The following OTC variants were observed in gnomAD, a reference collection of about 807,000 sequenced individuals.
OTC encodes ornithine transcarbamylase.
A neutral mutation model predicts 30.3 loss-of-function variants in OTC; 3 were observed. The observed-to-expected ratio is 0.10, with a 90% CI of 0.05 to 0.26. The LOEUF is 0.26. Ranked by LOEUF, OTC falls within the 10% of genes least tolerant of loss-of-function variation. OTC has a pLI of 1.00. For missense variants in OTC, 194 were observed against 260.3 expected, an observed-to-expected ratio of 0.75 and a Z score of 1.75; for synonymous variants, 111 against 99.7, an observed-to-expected ratio of 1.11 and a Z score of -0.67.
intron 4 of OTC, among the ~76,000 whole-genome samples, chrX:38,383,271 C>G (rs753619732): frequency 4.5e-5 from 5 of 111,607 alleles, no homozygotes; most frequent in Non-Finnish European, 9.4e-5. Context: ...GATTGTCTGC[C>G]GTGGACCTCT....
chrX:38,382,480 T>G (rs1238277343), intron 4 of OTC, among the ~76,000 whole-genome samples: 2 of 112,615 alleles, frequency 1.8e-5, no homozygotes, highest in African/African-American at 6.4e-5. Flanking sequence ...TCACCTCATT[T>G]GACTTGCTGA....
chrX:38,332,762 G>A, the OTC span, among the ~76,000 whole-genome samples: 1 of 109,135 alleles, frequency 9.2e-6, no homozygotes, highest in East Asian at 2.9e-4. Context: ...TCTCACTAAT[G>A]CTACATTTCC....
Position 38,357,886 on chromosome X carries a change from T to C in OTC, c.77+5113T>C, listed in dbSNP as rs929610380. On this transcript the variant is annotated intron_variant, in intron 1 of 9. Coordinates refer to ENST00000039007, the MANE Select transcript of OTC (RefSeq NM_000531.6). ...CTAGACTTGCCTTTTTCAAGGGCTC[T>C]GGCTCTGACCAGACTGCAGTGACAG... Among the ~76,000 whole-genome samples, 3 of 112,205 alleles carry C rather than the reference T, an allele frequency of 2.7e-5. No individual in the cohort carries two copies. The Admixed American group carries it at 2.8e-4, about 11-fold the overall frequency.
intron 4 of OTC, among the ~76,000 whole-genome samples, chrX:38,401,060 T>C (rs989835980): frequency 1.4e-4 from 16 of 111,910 alleles, no homozygotes; most frequent in African/African-American, 5.2e-4. Context: ...AAATGTAAAA[T>C]CGCTGGTCAC....
At chrX:38,417,841 T>C (rs1360154859) in intron 9 of OTC, among the ~76,000 whole-genome samples, 1 of 111,982 alleles carries the variant, frequency 8.9e-6, no homozygotes, top group Non-Finnish European at 1.9e-5. Context: ...GGCTGAATAC[T>C]ATTCCATTGG....
At chrX:38,329,917 G>T in the OTC span, among the ~76,000 whole-genome samples, 1 of 111,950 alleles carries the variant, frequency 8.9e-6, no homozygotes, top group Non-Finnish European at 1.9e-5. Flanking sequence ...GAGCCCCTGT[G>T]CTAGGGCCTG....
intron 1 of OTC, among the ~76,000 whole-genome samples, chrX:38,366,040 C>T (rs2068294192): frequency 9.0e-6 from 1 of 111,723 alleles, no homozygotes; most frequent in Admixed American, 9.5e-5. Context: ...CCTCCAAAAA[C>T]ACATCACAAG....
chrX:38,368,968 C>T (rs2068310569), intron 2 of OTC, among the ~76,000 whole-genome samples: 1 of 108,833 alleles, frequency 9.2e-6, no homozygotes, highest in African/African-American at 3.4e-5. Context: ...TTCAGACTCT[C>T]CAGATTGTTT....
the OTC span, among the ~76,000 whole-genome samples, chrX:38,335,752 G>A: frequency 8.9e-6 from 1 of 112,420 alleles, no homozygotes; most frequent in African/African-American, 3.2e-5. Flanking sequence ...GTTAGTCACT[G>A]CCCTTTGTGA....
At chrX:38,350,612 T>C (rs2068209213), upstream of OTC, among the ~76,000 whole-genome samples, 1 of 111,608 alleles carries the variant, frequency 9.0e-6, no homozygotes, top group Non-Finnish European at 1.9e-5. Context: ...TTCAGTGAAA[T>C]TGCTTTTAAC....
chrX:38,335,206 T>C, the OTC span, among the ~76,000 whole-genome samples: 4 of 112,242 alleles, frequency 3.6e-5, no homozygotes, highest in South Asian at 1.5e-3. Flanking sequence ...CTTACTACTT[T>C]AGTAATCTGG....
chrX:38,400,329 T>C (rs1207780236), intron 4 of OTC, among the ~76,000 whole-genome samples: 1 of 111,744 alleles, frequency 8.9e-6, no homozygotes, highest in African/African-American at 3.3e-5. Flanking sequence ...TAGTTTTTAA[T>C]CTTTGATTCT....
At chrX:38,340,838 C>G in the OTC span, among the ~76,000 whole-genome samples, 116 of 109,554 alleles carry the variant, frequency 1.1e-3, no homozygotes, top group Non-Finnish European at 1.7e-3. Flanking sequence ...GCTCTGTCAC[C>G]CAAGCTAGAG....
intron 4 of OTC, among the ~76,000 whole-genome samples, chrX:38,397,197 A>G (rs967344127): frequency 1.8e-5 from 2 of 111,948 alleles, no homozygotes; most frequent in African/African-American, 6.5e-5. Flanking sequence ...TGTACATTTT[A>G]TTTACATTAA....
the OTC span, among the ~76,000 whole-genome samples, chrX:38,346,183 G>A: frequency 3.1e-4 from 35 of 111,620 alleles, no homozygotes; most frequent in African/African-American, 1.1e-3. Flanking sequence ...ATAAATGGAC[G>A]GCAAATAAGG....
chrX:38,342,158 G>T, the OTC span, among the ~76,000 whole-genome samples: 1 of 107,399 alleles, frequency 9.3e-6, no homozygotes, highest in Non-Finnish European at 1.9e-5. Flanking sequence ...GCATAGCTGG[G>T]ATTACAGGTG....
the OTC span, among the ~76,000 whole-genome samples, chrX:38,329,394 G>A: frequency 0.01 from 1,127 of 111,860 alleles, 12 homozygotes; most frequent in African/African-American, 0.035. Context: ...TCTATATAGT[G>A]AAAGCAGGCT....
intron 8 of OTC, among the ~76,000 whole-genome samples, chrX:38,409,587 G>C (rs944495642): frequency 2.7e-5 from 3 of 112,059 alleles, no homozygotes; most frequent in Admixed American, 1.9e-4. Context: ...CCACCCCCAG[G>C]GTTTCTGATT....
chrX:38,353,279 C>T (rs767664028), intron 1 of OTC, among the ~76,000 whole-genome samples: 1 of 112,129 alleles, frequency 8.9e-6, no homozygotes, highest in South Asian at 3.7e-4. Flanking sequence ...CCCTGAAATT[C>T]TTGCTGGCAT....
Sources: gnomAD v4.1 joint callset for allele counts (sites outside exome capture counted in the v4.1 genomes callset) on GRCh38, gnomAD v4.1.1 for gene constraint, MANE v1.5 for transcripts, NCBI Gene and HGNC (gene_info 2026-07-23, HGNC 2026-07-21) for gene names.